The following CNTNAP5 variants were observed in gnomAD, a reference collection of about 807,000 sequenced individuals.
CNTNAP5 encodes the protein contactin associated protein family member 5, also known as contactin-associated protein-like 5.
A neutral mutation model predicts 150.2 loss-of-function variants in CNTNAP5; 72 were observed. The ratio of observed to expected loss-of-function variants is 0.48; its 90% CI spans 0.40 to 0.58. The LOEUF (loss-of-function observed/expected upper bound fraction) is 0.58, where lower values mean the gene tolerates loss of function less well. CNTNAP5 is among the 20% of genes least tolerant of loss of function. The pLI is 0.00. For missense variants in CNTNAP5, 1,636 were observed against 1,626.2 expected, an observed-to-expected ratio of 1.01 and a Z score of -0.10; for synonymous variants, 672 against 619.8, an observed-to-expected ratio of 1.08 and a Z score of -1.25.
At chr2:124,407,700 T>G (rs1015315601) in intron 3 of CNTNAP5, among the ~76,000 whole-genome samples, 2 of 152,194 alleles carry the variant, frequency 1.3e-5, no homozygotes, top group Admixed American at 1.3e-4. Flanking sequence ...TTGTATAGGA[T>G]TAGAGATAAA....
At chr2:124,197,823 T>C (rs926883598) in intron 1 of CNTNAP5, among the ~76,000 whole-genome samples, 5 of 151,644 alleles carry the variant, frequency 3.3e-5, no homozygotes, top group Admixed American at 6.6e-5. Context: ...CTACTAAAAA[T>C]ACAAAAAATT....
intron 1 of CNTNAP5, among the ~76,000 whole-genome samples, chr2:124,201,418 G>C (rs59071379): frequency 1.3e-5 from 2 of 152,184 alleles, no homozygotes; most frequent in African/African-American, 4.8e-5. Context: ...AGCCATATCC[G>C]TTATGTATGA....
At chr2:124,304,608 A>C (rs2104649712) in intron 3 of CNTNAP5, among the ~76,000 whole-genome samples, 1 of 152,296 alleles carries the variant, frequency 6.6e-6, no homozygotes, top group South Asian at 2.1e-4. Flanking sequence ...TTAAAAAAAT[A>C]ACATTCTGGC....
intron 3 of CNTNAP5, among the ~76,000 whole-genome samples, chr2:124,412,293 G>T (rs1352504622): frequency 1.3e-5 from 2 of 150,020 alleles, no homozygotes; most frequent in African/African-American, 4.9e-5. Flanking sequence ...TCATGAAAAT[G>T]GCCATACTGC....
intron 3 of CNTNAP5, among the ~76,000 whole-genome samples, chr2:124,341,283 C>G (rs1315023985): frequency 6.6e-6 from 1 of 152,092 alleles, no homozygotes; most frequent in Non-Finnish European, 1.5e-5. Context: ...GTGGAGTACT[C>G]AGAAACAAGA....
chr2:124,712,764 A>G (rs1158532499), intron 13 of CNTNAP5, among the ~76,000 whole-genome samples: 1 of 150,688 alleles, frequency 6.6e-6, no homozygotes, highest in Non-Finnish European at 1.5e-5. Flanking sequence ...TTTTCTTTTT[A>G]AGAGACAGGG....
intron 19 of CNTNAP5, among the ~76,000 whole-genome samples, chr2:124,860,478 TCC>T: frequency 1.0e-5 from 1 of 96,808 alleles, no homozygotes; most frequent in African/African-American, 5.1e-5. Flanking sequence ...CTTCCTTCCT[TCC>T]TTCCTTCCTT....
At position 124,560,658 on chromosome 2, in the gene CNTNAP5, T is replaced by G. The variant is rs559498088; in HGVS notation, c.1650-2559T>G. 3.3e-5 allele frequency among the ~76,000 whole-genome samples: 5 copies of G among 152,148 alleles called. No individual in the cohort carries two copies. In the South Asian group the frequency reaches 1.0e-3, roughly 32 times the overall value. On this transcript the variant is annotated intron_variant, in intron 10 of 23. Coordinates refer to ENST00000682447, the MANE Select transcript of CNTNAP5 (RefSeq NM_001367498.1). ...CCAGCTCGGACTATCCTAATTGCAT[T>G]GGGGATTTTTCTGGAAAAGGGTTAG...
rs868800854 is a variant in CNTNAP5, at chr2:124,914,488, C to T, written c.*200C>T. On this transcript the variant is annotated 3_prime_UTR_variant, in exon 24 of 24. Coordinates refer to ENST00000682447, the MANE Select transcript of CNTNAP5 (RefSeq NM_001367498.1). ...GCAGCCATGGCCACTGCCTTCCTCT[C>T]TGATGAACCTATCGGGTGAAAACGA... 2 of 564,240 alleles carry T rather than the reference C, an allele frequency of 3.5e-6. No individual in the cohort carries two copies. The highest frequency in any genetic ancestry group is 2.2e-5 in the South Asian group (1 of 45,912). 35.0% of individuals were successfully genotyped at this position (564,240 alleles called of 1,614,324 possible).
At chr2:124,433,835 T>A (rs1305591306) in intron 4 of CNTNAP5, among the ~76,000 whole-genome samples, 1 of 152,238 alleles carries the variant, frequency 6.6e-6, no homozygotes, top group East Asian at 1.9e-4. Context: ...TTACTTGACC[T>A]TCACCTTGTT....
intron 10 of CNTNAP5, among the ~76,000 whole-genome samples, chr2:124,540,301 T>C (rs1413189642): frequency 6.6e-6 from 1 of 152,202 alleles, no homozygotes; most frequent in African/African-American, 2.4e-5. Flanking sequence ...TTTATAGGTT[T>C]GATCAAATCA....
intron 13 of CNTNAP5, among the ~76,000 whole-genome samples, chr2:124,688,568 A>T (rs1218655151): frequency 6.6e-6 from 1 of 152,092 alleles, no homozygotes; most frequent in Non-Finnish European, 1.5e-5. Flanking sequence ...ATGAGGAAGC[A>T]CATGATAATT....
chr2:124,791,578 A>G (rs1416097787), intron 18 of CNTNAP5, among the ~76,000 whole-genome samples: 1 of 152,080 alleles, frequency 6.6e-6, no homozygotes, highest in Non-Finnish European at 1.5e-5. Context: ...TCTTCTCAGC[A>G]TCTCTAACCA....
chr2:124,327,033 T>C (rs1194828730), intron 3 of CNTNAP5, among the ~76,000 whole-genome samples: 1 of 141,938 alleles, frequency 7.0e-6, no homozygotes, highest in Non-Finnish European at 1.5e-5. Context: ...CAGGCTGCAG[T>C]GCAGTGGTGC....
At chr2:124,657,352 C>T (rs1175843200) in intron 13 of CNTNAP5, among the ~76,000 whole-genome samples, 1 of 152,162 alleles carries the variant, frequency 6.6e-6, no homozygotes, top group Non-Finnish European at 1.5e-5. Flanking sequence ...ATGCTACCTT[C>T]ATCTACTGAG....
At chr2:124,701,318 C>T in intron 13 of CNTNAP5, among the ~76,000 whole-genome samples, 1 of 152,084 alleles carries the variant, frequency 6.6e-6, no homozygotes, top group East Asian at 1.9e-4. Flanking sequence ...ACCCTCGTGT[C>T]CTCCATGCTC....
intron 10 of CNTNAP5, among the ~76,000 whole-genome samples, chr2:124,534,154 T>C (rs1695176906): frequency 6.6e-6 from 1 of 152,068 alleles, no homozygotes; most frequent in Admixed American, 6.6e-5. Context: ...TGATAGGCCA[T>C]GGAAAAGTGA....
chr2:124,386,333 T>C (rs1479517509), intron 3 of CNTNAP5, among the ~76,000 whole-genome samples: 1 of 152,194 alleles, frequency 6.6e-6, no homozygotes, highest in Non-Finnish European at 1.5e-5. Context: ...TGTTTGAAAC[T>C]CAGAATCACA....
chr2:124,445,043 T>C (rs1391964999), intron 5 of CNTNAP5, among the ~76,000 whole-genome samples: 4 of 152,068 alleles, frequency 2.6e-5, no homozygotes, highest in African/African-American at 9.7e-5. Flanking sequence ...AATACATTAC[T>C]TGTCACTGTG....
Sources: allele counts gnomAD v4.1 joint callset (sites outside exome capture counted in the v4.1 genomes callset), GRCh38; gene constraint gnomAD v4.1.1; transcripts MANE v1.5; gene names NCBI Gene and HGNC (gene_info 2026-07-23, HGNC 2026-07-21).